The following GPC6 variants were observed in gnomAD, a reference collection of about 807,000 sequenced individuals.
GPC6 encodes the protein glypican-6.
A neutral mutation model predicts 55.2 loss-of-function variants in GPC6; 14 were observed. That is an observed-to-expected ratio of 0.25 (90% CI 0.17 to 0.40). GPC6 has a LOEUF of 0.40. Ranked by LOEUF, GPC6 falls within the 10% of genes least tolerant of loss-of-function variation. GPC6 has a pLI of 1.00. For missense variants in GPC6, 641 were observed against 708.5 expected (o/e 0.90, Z 1.08); for synonymous variants, 278 against 259.6 (o/e 1.07, Z -0.68).
chr13:94,223,073 T>C (rs1890434952), intron 4 of GPC6, among the ~76,000 whole-genome samples: 6 of 152,160 alleles, frequency 3.9e-5, no homozygotes, highest in Admixed American at 3.9e-4. Flanking sequence ...TCATTTACCC[T>C]GTAATTCCCA....
At chr13:93,541,916 G>T (rs1882322165) in intron 1 of GPC6, among the ~76,000 whole-genome samples, 2 of 152,044 alleles carry the variant, frequency 1.3e-5, no homozygotes, top group Admixed American at 1.3e-4. Context: ...GTAGATTCTG[G>T]ATATTAGCCC....
At chr13:93,443,014 T>A (rs1045356901) in intron 1 of GPC6, among the ~76,000 whole-genome samples, 2 of 152,242 alleles carry the variant, frequency 1.3e-5, no homozygotes, top group East Asian at 3.9e-4. Context: ...AGAAAACAAG[T>A]AGAAGCCTTT....
intron 1 of GPC6, among the ~76,000 whole-genome samples, chr13:93,307,213 T>G (rs777392478): frequency 1.3e-5 from 2 of 152,172 alleles, no homozygotes; most frequent in African/African-American, 2.4e-5. Flanking sequence ...TATATGGCAG[T>G]AGTACAATGT....
At chr13:93,935,425 A>G (rs1878386914) in intron 3 of GPC6, among the ~76,000 whole-genome samples, 1 of 152,168 alleles carries the variant, frequency 6.6e-6, no homozygotes, top group African/African-American at 2.4e-5. Context: ...TGTTGCTCAA[A>G]GGACATGCTT....
At chr13:93,560,810 C>G (rs1221532874) in intron 2 of GPC6, among the ~76,000 whole-genome samples, 2 of 151,786 alleles carry the variant, frequency 1.3e-5, no homozygotes, top group African/African-American at 4.8e-5. Context: ...CAGCATAACC[C>G]TGTTAATTTT....
intron 2 of GPC6, among the ~76,000 whole-genome samples, chr13:93,801,142 A>G (rs1690853762): frequency 6.6e-6 from 1 of 152,332 alleles, no homozygotes. Flanking sequence ...CTGAATAGAC[A>G]CTTGCAATGT....
the GPC6 span, among the ~76,000 whole-genome samples, chr13:93,217,516 T>A: frequency 6.6e-6 from 1 of 152,210 alleles, no homozygotes; most frequent in African/African-American, 2.4e-5. Context: ...TCTTTTCCTC[T>A]CAAATTTGTG....
chr13:93,457,823 C>T (rs1252438190), intron 1 of GPC6, among the ~76,000 whole-genome samples: 3 of 145,902 alleles, frequency 2.1e-5, no homozygotes, highest in East Asian at 1.9e-4. Flanking sequence ...ATGTATCTGT[C>T]GATCAATATT....
At chr13:94,225,685 A>C (rs144735444) in intron 4 of GPC6, among the ~76,000 whole-genome samples, 6,448 of 151,266 alleles carry the variant, frequency 0.043, 211 homozygotes, top group South Asian at 0.069. Context: ...ATATATATAT[A>C]TATAAACTGT....
intron 3 of GPC6, among the ~76,000 whole-genome samples, chr13:93,999,327 A>G (rs1394700127): frequency 2.0e-5 from 3 of 152,210 alleles, no homozygotes; most frequent in African/African-American, 7.2e-5. Flanking sequence ...GGTGGTTTCC[A>G]GCTTCATCCA....
chr13:93,855,578 T>G (rs571162363), intron 3 of GPC6, among the ~76,000 whole-genome samples: 2 of 151,636 alleles, frequency 1.3e-5, no homozygotes, highest in African/African-American at 4.8e-5. Flanking sequence ...TTTATAGTTT[T>G]GGGAGAAACT....
intron 1 of GPC6, among the ~76,000 whole-genome samples, chr13:93,248,393 A>G (rs1213578803): frequency 6.6e-6 from 1 of 151,984 alleles, no homozygotes; most frequent in Non-Finnish European, 1.5e-5. Context: ...TTGAAAAAAA[A>G]AAAGTCTAAA....
chr13:93,318,538 G>A (rs367779251), intron 1 of GPC6, among the ~76,000 whole-genome samples: 9 of 151,932 alleles, frequency 5.9e-5, no homozygotes, highest in African/African-American at 2.2e-4. Flanking sequence ...TAAAATAAAG[G>A]GGAAAAAAGG....
At chr13:94,182,602 T>A (rs1400735920) in intron 4 of GPC6, among the ~76,000 whole-genome samples, 3 of 152,138 alleles carry the variant, frequency 2.0e-5, no homozygotes, top group Non-Finnish European at 2.9e-5. Context: ...ATGTTTTTTT[T>A]CCTAAACCTT....
chr13:94,245,255 G>T (rs1891162902), intron 4 of GPC6, among the ~76,000 whole-genome samples: 1 of 151,700 alleles, frequency 6.6e-6, no homozygotes. Context: ...TTTTTAGATG[G>T]TACATATAAA....
intron 1 of GPC6, among the ~76,000 whole-genome samples, chr13:93,429,870 T>G (rs2139272676): frequency 6.6e-6 from 1 of 152,264 alleles, no homozygotes; most frequent in South Asian, 2.1e-4. Context: ...AGGATTGTAC[T>G]TCCTCGGGAA....
At chr13:93,980,544 C>T (rs1042383311) in intron 3 of GPC6, among the ~76,000 whole-genome samples, 3 of 152,158 alleles carry the variant, frequency 2.0e-5, no homozygotes, top group Non-Finnish European at 2.9e-5. Flanking sequence ...GGCACTCTAG[C>T]TAGATCCTCT....
chr13:94,247,292 A>T (rs1466722386), intron 4 of GPC6, among the ~76,000 whole-genome samples: 2 of 152,084 alleles, frequency 1.3e-5, no homozygotes, highest in Admixed American at 1.3e-4. Context: ...TTATCTGCAG[A>T]TACAAATAAT....
chr13:93,719,169 T>C (rs1308197764), intron 2 of GPC6, among the ~76,000 whole-genome samples: 3 of 152,102 alleles, frequency 2.0e-5, no homozygotes, highest in Admixed American at 6.6e-5. Context: ...ATAAATTACT[T>C]TGGGCAGTAT....
Sources: allele counts gnomAD v4.1 joint callset (sites outside exome capture counted in the v4.1 genomes callset), GRCh38; gene constraint gnomAD v4.1.1; transcripts MANE v1.5; gene names NCBI Gene and HGNC (gene_info 2026-07-23, HGNC 2026-07-21).